Variants in LOXHD1 observed in about 807,000 individuals in gnomAD.
LOXHD1 encodes the protein lipoxygenase homology PLAT domains 1.
In LOXHD1, 205 loss-of-function variants were observed where a neutral mutation model predicts 248.2. The ratio of observed to expected loss-of-function variants is 0.83; its 90% CI spans 0.74 to 0.93. The LOEUF is 0.93. Ranked by LOEUF, LOXHD1 falls within the 40% of genes least tolerant of loss-of-function variation. The probability of loss-of-function intolerance (pLI) is 0.00; values close to 1 mark genes in which losing one functional copy is unlikely to be tolerated. For missense variants in LOXHD1, 2,930 were observed against 2,971.6 expected (o/e 0.99, Z 0.33); for synonymous variants, 1,113 against 1,162.8 (o/e 0.96, Z 0.87).
intron 15 of LOXHD1, among the ~76,000 whole-genome samples, chr18:46,570,817 C>T (rs565566435): frequency 7.9e-5 from 12 of 152,290 alleles, no homozygotes; most frequent in Admixed American, 6.5e-4. Flanking sequence ...CATTCAAAGC[C>T]GTCGTGGGCC....
intron 4 of LOXHD1, among the ~76,000 whole-genome samples, chr18:46,628,058 T>C (rs2038769034): frequency 6.6e-6 from 1 of 152,194 alleles, no homozygotes. Flanking sequence ...GGAGGAATGA[T>C]GGAGGAGCAT....
intron 1 of LOXHD1, among the ~76,000 whole-genome samples, chr18:46,651,433 A>G (rs328181): frequency 0.31 from 47,037 of 151,980 alleles, 8,535 homozygotes; most frequent in East Asian, 0.43. Context: ...TTGCCCACAC[A>G]GCTTGCACAT....
chr18:46,618,365 C>T, intron 4 of LOXHD1, 75 bp from the exon 5 acceptor site: 2 of 947,042 alleles, frequency 2.1e-6, no homozygotes, highest in Non-Finnish European at 3.3e-6. Context: ...AAGTAGCTAC[C>T]ACACCATCTA....
intron 29 of LOXHD1, 73 bp from the exon 30 acceptor site, chr18:46,524,990 G>C: frequency 1.3e-6 from 2 of 1,500,108 alleles, no homozygotes; most frequent in Non-Finnish European, 1.8e-6. Context: ...CCACCCTTCT[G>C]GGACCTTCCT....
chr18:46,648,131 G>T lies in LOXHD1; in HGVS notation c.245+1024C>A, dbSNP rs928460419. 3.9e-5 allele frequency among the ~76,000 whole-genome samples: 6 copies of T among 152,224 alleles called. No homozygotes were observed. The South Asian group carries it at 1.2e-3, about 32-fold the overall frequency. ...AAATTAGCCGGTTATGGTGGCACAC[G>T]CCTGTAGTTCCAGCTACTCCGGAGG... On this transcript the variant is annotated intron_variant, in intron 2 of 40. Coordinates refer to ENST00000642948, the MANE Select transcript of LOXHD1 (RefSeq NM_001384474.1).
At chr18:46,610,584 T>A (rs1287025251) in intron 6 of LOXHD1, among the ~76,000 whole-genome samples, 192 bp downstream of exon 6, 3 of 152,142 alleles carry the variant, frequency 2.0e-5, no homozygotes, top group Non-Finnish European at 4.4e-5. Flanking sequence ...CTGGACTTCC[T>A]GTGAAGATGG....
chr18:46,647,660 A>G (rs1488036364), intron 2 of LOXHD1, among the ~76,000 whole-genome samples: 1 of 152,220 alleles, frequency 6.6e-6, no homozygotes, highest in African/African-American at 2.4e-5. Flanking sequence ...ACAAGAAGGC[A>G]GGTACCCTGT....
chr18:46,539,197 A>C (rs1229625874), intron 25 of LOXHD1, among the ~76,000 whole-genome samples: 1 of 152,194 alleles, frequency 6.6e-6, no homozygotes, highest in Non-Finnish European at 1.5e-5. Flanking sequence ...GTGGTGGCTC[A>C]TGCCTGTAAT....
chr18:46,622,959 A>G (rs1341457659), intron 4 of LOXHD1, among the ~76,000 whole-genome samples: 1 of 152,158 alleles, frequency 6.6e-6, no homozygotes, highest in Non-Finnish European at 1.5e-5. Context: ...CACTGAGTGC[A>G]CCCCTGTTCC....
intron 26 of LOXHD1, among the ~76,000 whole-genome samples, chr18:46,535,984 G>A (rs1369481137): frequency 6.6e-6 from 1 of 152,208 alleles, no homozygotes; most frequent in Non-Finnish European, 1.5e-5. Flanking sequence ...AGGGACCCTA[G>A]TATTCTGGAA....
intron 32 of LOXHD1, among the ~76,000 whole-genome samples, chr18:46,521,560 C>T (rs2035579681): frequency 6.6e-6 from 1 of 152,124 alleles, no homozygotes; most frequent in South Asian, 2.1e-4. Flanking sequence ...AGGTTGTCTC[C>T]TATTGAACAA....
intron 34 of LOXHD1, among the ~76,000 whole-genome samples, chr18:46,510,619 G>A (rs576023797): frequency 6.6e-6 from 1 of 152,192 alleles, no homozygotes; most frequent in Admixed American, 6.5e-5. Flanking sequence ...ATGTGGCTCT[G>A]CATGGCAATC....
chr18:46,494,914 C>T (rs1391293424), intron 37 of LOXHD1, among the ~76,000 whole-genome samples: 2 of 135,494 alleles, frequency 1.5e-5, no homozygotes, highest in Non-Finnish European at 3.1e-5. Context: ...AGTGCAGTGG[C>T]ACGATCTCAG....
At chr18:46,527,060 G>A (rs577411) in intron 29 of LOXHD1, among the ~76,000 whole-genome samples, 1 of 151,904 alleles carries the variant, frequency 6.6e-6, no homozygotes, top group Non-Finnish European at 1.5e-5. Context: ...CAAAACTGGA[G>A]GAAAACAGAA....
intron 4 of LOXHD1, 53 bp from the exon 5 acceptor site, chr18:46,618,343 A>G (rs921200189): frequency 3.2e-6 from 4 of 1,257,366 alleles, no homozygotes; most frequent in African/African-American, 1.5e-5. Context: ...TGAAAAGAGA[A>G]TAGAGGCCCC....
At chr18:46,521,354 C>T in intron 32 of LOXHD1, 72 bp from the exon 33 acceptor site, 1 of 1,499,874 alleles carries the variant, frequency 6.7e-7, no homozygotes, top group East Asian at 2.5e-5. Flanking sequence ...GCCCAGCCCC[C>T]TCCCTCAGTG....
At chr18:46,507,772 C>T in intron 35 of LOXHD1, 60 bp from the exon 36 acceptor site, 1 of 1,497,040 alleles carries the variant, frequency 6.7e-7, no homozygotes, top group Non-Finnish European at 9.0e-7. Context: ...ACCAGCACCC[C>T]CTGGCTCATG....
At chr18:46,566,528 A>C in intron 16 of LOXHD1, 79 bp from the exon 17 acceptor site, 5 of 1,258,480 alleles carry the variant, frequency 4.0e-6, no homozygotes, top group Non-Finnish European at 5.6e-6. Context: ...CTCCCCAAAC[A>C]CCAGCACAAA....
chr18:46,582,330 A>C (rs1213342855), intron 12 of LOXHD1, among the ~76,000 whole-genome samples: 1 of 152,194 alleles, frequency 6.6e-6, no homozygotes, highest in Non-Finnish European at 1.5e-5. Flanking sequence ...TACTACTGAA[A>C]TTGTTAATAT....
Sources: allele counts gnomAD v4.1 joint callset (sites outside exome capture counted in the v4.1 genomes callset), GRCh38; gene constraint gnomAD v4.1.1; transcripts MANE v1.5; gene names NCBI Gene and HGNC (gene_info 2026-07-23, HGNC 2026-07-21).